The following PCDHA4 variants were observed in gnomAD, a reference collection of about 807,000 sequenced individuals.
The protein encoded by PCDHA4 is protocadherin alpha-4.
Under a neutral mutation model 61.4 loss-of-function variants are expected in PCDHA4, and 49 were observed. That is an observed-to-expected ratio of 0.80 (90% CI 0.63 to 1.01). PCDHA4 has a LOEUF of 1.01. PCDHA4 is among the 50% of genes least tolerant of loss of function. The probability of loss-of-function intolerance (pLI) is 0.00; values close to 1 mark genes in which losing one functional copy is unlikely to be tolerated. For synonymous variants in PCDHA4, 590 were observed against 550.3 expected (o/e 1.07, Z -1.01); for missense variants, 1,254 against 1,235.8 (o/e 1.01, Z -0.22).
intron 1 of PCDHA4, chr5:140,851,026 C>A (rs1554145197): frequency 2.8e-6 from 4 of 1,416,346 alleles, no homozygotes; most frequent in Admixed American, 5.4e-5. Flanking sequence ...ATAAAGTAAA[C>A]CCCTTAACAT....
intron 1 of PCDHA4, chr5:140,870,468 A>G: frequency 1.2e-6 from 2 of 1,614,214 alleles, no homozygotes; most frequent in Non-Finnish European, 8.5e-7. Flanking sequence ...CTGCGTTCGC[A>G]CAGCCCGAGT....
At chr5:140,914,944 C>CTTTT (rs35695909) in intron 1 of PCDHA4, among the ~76,000 whole-genome samples, 1 of 128,266 alleles carries the variant, frequency 7.8e-6, no homozygotes, top group South Asian at 2.5e-4. Context: ...GAAAAGTTGT[C>CTTTT]TTTTTTTTTT....
chr5:140,869,388 G>C lies in PCDHA4; in HGVS notation c.2385+59816G>C, dbSNP rs529836794. On this transcript the variant is annotated intron_variant, in intron 1 of 3. Transcript: ENST00000530339. Reference sequence around the variant, plus strand: ...ATTCTCGGATCGACCGCGAGGAGCTGTGCGGGCAGAGCGCGGAGTGCAGCA... The same window carrying C: ...ATTCTCGGATCGACCGCGAGGAGCTCTGCGGGCAGAGCGCGGAGTGCAGCA... 3.7e-6 allele frequency: 6 copies of C among 1,614,204 alleles called. No homozygotes were observed. The African/African-American group carries it at 6.7e-5, about 18-fold the overall frequency.
At chr5:140,955,126 G>T (rs947007538) in intron 1 of PCDHA4, among the ~76,000 whole-genome samples, 6 of 152,110 alleles carry the variant, frequency 3.9e-5, no homozygotes, top group African/African-American at 1.4e-4. Flanking sequence ...CTGTTCCACT[G>T]GTCTACACGT....
At chr5:140,835,645 A>G (rs1554135161) in intron 1 of PCDHA4, 3 of 1,613,728 alleles carry the variant, frequency 1.9e-6, no homozygotes, top group African/African-American at 2.7e-5. Context: ...GTGTCCGCCT[A>G]TGAGCTGGTG....
At chr5:140,848,511 C>T in intron 1 of PCDHA4, 1 of 1,589,730 alleles carries the variant, frequency 6.3e-7, no homozygotes, top group Non-Finnish European at 8.6e-7. Context: ...ATACTCAAGT[C>T]GAGGAGATCC....
At chr5:140,813,634 C>T (rs1448214765) in intron 1 of PCDHA4, 3 of 152,156 alleles carry the variant, frequency 2.0e-5, no homozygotes, top group African/African-American at 4.8e-5. Flanking sequence ...AGGCCCAGGA[C>T]ATTACTGTGC....
intron 1 of PCDHA4, chr5:140,823,648 C>T (rs1767819943): frequency 3.7e-6 from 6 of 1,613,904 alleles, no homozygotes; most frequent in Non-Finnish European, 5.1e-6. Flanking sequence ...CCGCGTGGGG[C>T]TGTACACAGG....
rs1422466475 is a variant in PCDHA4 at position 140,877,665 on chromosome 5, G to A, written c.2385+68093G>A. 5.0e-6 allele frequency: 8 copies of A among 1,613,522 alleles called. No homozygotes were observed. In the African/African-American group the frequency reaches 8.0e-5, roughly 16 times the overall value. On this transcript the variant is annotated intron_variant, in intron 1 of 3. Coordinates refer to ENST00000530339, the MANE Select transcript of PCDHA4 (RefSeq NM_018907.4). ...GCTCAGCGCCGCCCACCGTGAGCCGGTGCGCGCCGGGCAAGCCCACGCTGG... is the reference window on the plus strand; with the variant it reads ...GCTCAGCGCCGCCCACCGTGAGCCGATGCGCGCCGGGCAAGCCCACGCTGG...
intron 1 of PCDHA4, among the ~76,000 whole-genome samples, chr5:140,833,185 A>G (rs1772342478): frequency 6.6e-6 from 1 of 152,226 alleles, no homozygotes; most frequent in African/African-American, 2.4e-5. Flanking sequence ...GACTGCAAGG[A>G]TTAAATGAAG....
chr5:140,856,203 G>GGCTGGA (rs782244369), intron 1 of PCDHA4: 1 of 1,597,978 alleles, frequency 6.3e-7, no homozygotes, highest in African/African-American at 1.3e-5. Context: ...CAGGACCTGG[G>GGCTGGA]GCTGGAGCTG....
intron 1 of PCDHA4, among the ~76,000 whole-genome samples, chr5:140,891,410 A>T: frequency 7.7e-6 from 1 of 130,320 alleles, no homozygotes; most frequent in East Asian, 2.5e-4. Context: ...GCCACCCCCC[A>T]CTCTTGCCCC....
intron 1 of PCDHA4, chr5:140,829,367 A>G (rs1190991665): frequency 3.7e-6 from 6 of 1,614,046 alleles, no homozygotes; most frequent in Non-Finnish European, 5.1e-6. Context: ...GTTGGTGGTA[A>G]CCGCGCGGGA....
rs963313279 is a variant in PCDHA4, at chr5:140,848,520, C to A, written c.2385+38948C>A. On this transcript the variant is annotated intron_variant, in intron 1 of 3. Coordinates refer to ENST00000530339, the MANE Select transcript of PCDHA4 (RefSeq NM_018907.4). Reference sequence around the variant, plus strand: ...AATGTTATACTCAAGTCGAGGAGATCCAGAGGGTCAGCCTCTACTGCTCTC... The same window carrying A: ...AATGTTATACTCAAGTCGAGGAGATACAGAGGGTCAGCCTCTACTGCTCTC... The A allele has an allele frequency of 3.1e-6, 5 of 1,592,812 alleles. 1 individual carries two copies. The Admixed American group carries it at 5.1e-5, about 16-fold the overall frequency.
chr5:141,001,792 T>C (rs1442216091), intron 3 of PCDHA4, among the ~76,000 whole-genome samples: 3 of 152,192 alleles, frequency 2.0e-5, no homozygotes, highest in African/African-American at 7.2e-5. Context: ...AGCCTGAGTA[T>C]ATACTATCAT....
At chr5:140,959,886 G>A (rs1171381497) in intron 1 of PCDHA4, among the ~76,000 whole-genome samples, 1 of 152,194 alleles carries the variant, frequency 6.6e-6, no homozygotes, top group Non-Finnish European at 1.5e-5. Flanking sequence ...GAATACACGA[G>A]TGGGATTTAT....
intron 1 of PCDHA4, among the ~76,000 whole-genome samples, chr5:140,838,413 C>T (rs1304271115): frequency 6.6e-6 from 1 of 151,456 alleles, no homozygotes; most frequent in East Asian, 1.9e-4. Context: ...AGTGAGCCAC[C>T]GCATCCGGCC....
rs926604630 is a variant in PCDHA4 at position 140,857,768 on chromosome 5, G to C, written c.2385+48196G>C. ...GGCGTCTCCCGCTGGCAGCGCGGGC[G>C]GTGCAGTCAGTGAGCTGGTGCTGCG... On this transcript the variant is annotated intron_variant, in intron 1 of 3. Transcript: ENST00000530339. 6 of 1,597,542 alleles carry C rather than the reference G, an allele frequency of 3.8e-6. 2 individuals carry two copies. In the South Asian group the frequency reaches 5.5e-5, roughly 15 times the overall value.
rs562041682 is a variant in PCDHA4 at position 140,807,825 on chromosome 5, C to T, written c.638C>T (p.Thr213Ile). ...EEAPEIFLVL[T>I]ATDGGKPELT... ...GCTCCGGAGATTTTTTTAGTGCTCA[C>T]AGCCACTGATGGAGGCAAACCCGAG... The change falls in exon 1 of 4, where the codon ACA becomes ATA. Residue 213 changes from threonine to isoleucine, a missense_variant. Physicochemically the swap from Thr to Ile is moderately conservative, Grantham distance 89 (BLOSUM62 -1). Transcript: ENST00000530339. 2 of 1,614,184 alleles carry T rather than the reference C, an allele frequency of 1.2e-6. No individual in the cohort carries two copies. The highest frequency in any genetic ancestry group is 1.6e-4 in the Middle Eastern group (1 of 6,062).
Sources: allele counts gnomAD v4.1 joint callset (sites outside exome capture counted in the v4.1 genomes callset), GRCh38; gene constraint gnomAD v4.1.1; transcripts MANE v1.5; gene names NCBI Gene and HGNC (gene_info 2026-07-23, HGNC 2026-07-21).